Variants in VPS13B observed in about 807,000 individuals in gnomAD.
VPS13B encodes the protein vacuolar protein sorting 13 homolog B, also known as intermembrane lipid transfer protein VPS13B.
VPS13B carries 285 observed loss-of-function variants against 426.4 expected under a neutral mutation model. The observed-to-expected ratio is 0.67, with a 90% CI of 0.61 to 0.74. The LOEUF (loss-of-function observed/expected upper bound fraction) is 0.74, where lower values mean the gene tolerates loss of function less well. Ranked by LOEUF, VPS13B falls within the 30% of genes least tolerant of loss-of-function variation. The pLI is 0.00. For synonymous variants in VPS13B, 1,676 were observed against 1,676.4 expected (o/e 1.00, Z 0.01); for missense variants, 4,537 against 4,782.6 (o/e 0.95, Z 1.51).
At chr8:99,767,812 C>T (rs1811301800) in intron 40 of VPS13B, among the ~76,000 whole-genome samples, 2 of 152,068 alleles carry the variant, frequency 1.3e-5, no homozygotes, top group African/African-American at 4.8e-5. Flanking sequence ...CCTGTAGTTC[C>T]AGCTACTTGG....
chr8:99,563,993 C>T (rs990059004), intron 31 of VPS13B, among the ~76,000 whole-genome samples: 8 of 152,052 alleles, frequency 5.3e-5, no homozygotes, highest in African/African-American at 1.9e-4. Context: ...GTGTTTACTT[C>T]CCTGACCAAT....
In VPS13B at chr8:99,507,892, G is replaced by A. The variant is rs144187978; in HGVS notation, c.4224+689G>A. 7.0e-5 allele frequency: 113 copies of A among 1,613,884 alleles called. No homozygotes were observed. The highest frequency in any genetic ancestry group is 9.2e-5 in the Non-Finnish European group (109 of 1,179,974). On this transcript the variant is annotated intron_variant, in intron 28 of 61. Transcript: ENST00000357162. ...AGCAAGCAGGACCCTTTCAGTAATTGCTCTGGCTTCTTTCCTTCTGTAAGA... is the reference window on the plus strand; with the variant it reads ...AGCAAGCAGGACCCTTTCAGTAATTACTCTGGCTTCTTTCCTTCTGTAAGA...
chr8:99,496,981 A>G (rs749233477), intron 25 of VPS13B, among the ~76,000 whole-genome samples: 1 of 150,608 alleles, frequency 6.6e-6, no homozygotes, highest in African/African-American at 2.4e-5. Context: ...GTCTTCCTTA[A>G]TCACAGCAGT....
chr8:99,054,543 C>T (rs533481592), intron 3 of VPS13B, among the ~76,000 whole-genome samples: 1 of 152,320 alleles, frequency 6.6e-6, no homozygotes, highest in South Asian at 2.1e-4. Context: ...TATTTTGATG[C>T]ACAACGTATT....
chr8:99,529,454 G>C (rs1034850876), intron 30 of VPS13B, among the ~76,000 whole-genome samples: 2 of 152,050 alleles, frequency 1.3e-5, no homozygotes, highest in Non-Finnish European at 2.9e-5. Context: ...ACTGCTTTCT[G>C]TTTTGAACCG....
In VPS13B at chr8:99,360,202, CTCTCTCTCTT is replaced by C. The variant is rs1362632096; in HGVS notation, c.2825-24002_2825-23993del. The stretch of plus-strand genomic sequence containing the variant: ...TCTTTCTTTCTTTCTCTCTCTCTCT[CTCTCTCTCTT>C]TCTTTCTTTCTTTCTTTCTTTCTCT... On this transcript the variant is annotated intron_variant, in intron 19 of 61. Transcript: ENST00000357162. 1.8e-3 allele frequency among the ~76,000 whole-genome samples: 76 copies of C among 41,200 alleles called. 7 individuals are homozygous for C. Among genetic ancestry groups the C allele is most frequent in the African/African-American group, 8.9e-3 (74 of 8,360 alleles). The allele number at this position is 41,200 out of a possible 152,430, so 27.0% of individuals were successfully genotyped here.
Position 99,204,257 on chromosome 8 carries a change from G to T in VPS13B, c.2515+11200G>T, listed in dbSNP as rs137864949. Among the ~76,000 whole-genome samples, 604 of 152,292 alleles carry T rather than the reference G, an allele frequency of 4.0e-3. 2 individuals are homozygous for T. The highest frequency in any genetic ancestry group is 0.014 in the African/African-American group (581 of 41,558). ...AAACCCGACAAAAACTAGCAATGGG[G>T]AAAGGATTCTCTGCTTAATAAATGG... On this transcript the variant is annotated intron_variant, in intron 17 of 61. Coordinates refer to ENST00000357162, the MANE Select transcript of VPS13B (RefSeq NM_152564.5).
chr8:99,488,894 C>G (rs963526580), intron 25 of VPS13B, among the ~76,000 whole-genome samples: 1 of 152,116 alleles, frequency 6.6e-6, no homozygotes, highest in East Asian at 1.9e-4. Flanking sequence ...TTAATTAGAT[C>G]TCATTTGTCT....
At chr8:99,460,536 T>A (rs1186732450) in intron 23 of VPS13B, among the ~76,000 whole-genome samples, 5 of 152,174 alleles carry the variant, frequency 3.3e-5, no homozygotes, top group Non-Finnish European at 5.9e-5. Context: ...ACCCACATAT[T>A]TGTCATACCC....
intron 21 of VPS13B, among the ~76,000 whole-genome samples, chr8:99,427,824 G>T (rs1345150465): frequency 2.0e-5 from 3 of 151,914 alleles, no homozygotes; most frequent in African/African-American, 4.8e-5. Context: ...AGCCCGCATT[G>T]CCAAGTCAAT....
chr8:99,663,532 CA>C (rs1217283874), intron 35 of VPS13B, among the ~76,000 whole-genome samples: 5 of 151,972 alleles, frequency 3.3e-5, no homozygotes, highest in African/African-American at 1.2e-4. Flanking sequence ...CCATCTAAGC[CA>C]CTAGCAATTG....
At chr8:99,021,846 C>T (rs1004726323) in intron 2 of VPS13B, among the ~76,000 whole-genome samples, 2 of 152,100 alleles carry the variant, frequency 1.3e-5, no homozygotes, top group Non-Finnish European at 2.9e-5. Context: ...CTCCTGGGCT[C>T]AAATGATCTT....
intron 39 of VPS13B, among the ~76,000 whole-genome samples, chr8:99,743,082 A>G (rs1022473725): frequency 4.5e-4 from 69 of 152,304 alleles, no homozygotes; most frequent in Non-Finnish European, 7.4e-4. Context: ...AAACCCCATT[A>G]TCTCAGCCCA....
chr8:99,340,386 A>G (rs1333665690), intron 19 of VPS13B: 5 of 427,194 alleles, frequency 1.2e-5, no homozygotes, highest in African/African-American at 6.2e-5. Flanking sequence ...AGAAATCATC[A>G]TGGTATATAT....
chr8:99,357,851 ATTAG>A (rs1273338356), intron 19 of VPS13B, among the ~76,000 whole-genome samples: 1 of 152,208 alleles, frequency 6.6e-6, no homozygotes, highest in African/African-American at 2.4e-5. Context: ...CTTCATCAAC[ATTAG>A]TTAAATTATT....
chr8:99,165,418 T>A (rs1811946835), intron 15 of VPS13B, among the ~76,000 whole-genome samples: 1 of 152,190 alleles, frequency 6.6e-6, no homozygotes, highest in Admixed American at 6.5e-5. Context: ...ATGTATGGTA[T>A]TGAGTAGCTA....
intron 33 of VPS13B, among the ~76,000 whole-genome samples, chr8:99,617,746 A>G (rs1003158407): frequency 1.3e-5 from 2 of 152,206 alleles, no homozygotes; most frequent in Non-Finnish European, 2.9e-5. Flanking sequence ...TTACACATCC[A>G]TTACACTGAA....
chr8:99,734,044 T>C lies in VPS13B; in HGVS notation c.7050+12997T>C, dbSNP rs138109074. On this transcript the variant is annotated intron_variant, in intron 39 of 61. Coordinates refer to ENST00000357162, the MANE Select transcript of VPS13B (RefSeq NM_152564.5). ...TTCTGGTCTTCCCAACCCCCAGCCC[T>C]AAGTAATCACGAATCTACTTTCTGT... 1.4e-3 allele frequency among the ~76,000 whole-genome samples: 216 copies of C among 152,324 alleles called. 1 individual carries two copies. Among genetic ancestry groups the C allele is most frequent in the African/African-American group, 5.1e-3 (211 of 41,584 alleles).
At chr8:99,841,792 T>A (rs1815698128) in intron 54 of VPS13B, among the ~76,000 whole-genome samples, 1 of 152,180 alleles carries the variant, frequency 6.6e-6, no homozygotes, top group Non-Finnish European at 1.5e-5. Flanking sequence ...GGGGTCTGCT[T>A]CAGGCCTTTG....
Sources: gnomAD v4.1 joint callset for allele counts (sites outside exome capture counted in the v4.1 genomes callset) on GRCh38, gnomAD v4.1.1 for gene constraint, MANE v1.5 for transcripts, NCBI Gene and HGNC (gene_info 2026-07-23, HGNC 2026-07-21) for gene names.